SPAST: variants seen among roughly 807,000 people sequenced by gnomAD.
SPAST encodes spastin.
A neutral mutation model predicts 76.6 loss-of-function variants in SPAST; 30 were observed. That is an observed-to-expected ratio of 0.39 (90% confidence interval 0.29 to 0.53). The LOEUF (loss-of-function observed/expected upper bound fraction) is 0.53. SPAST is among the 20% of genes least tolerant of loss of function. SPAST has a pLI of 0.68. For missense variants in SPAST, 717 were observed against 770.5 expected (o/e 0.93, Z 0.82); for synonymous variants, 305 against 281.0 (o/e 1.09, Z -0.86).
At chr2:32,141,757 G>A in intron 12 of SPAST, 147 bp from the exon 13 acceptor site, 4 of 650,610 alleles carry the variant, frequency 6.1e-6, no homozygotes, top group Non-Finnish European at 8.0e-6. Flanking sequence ...AGTTTTAAAA[G>A]AGTAACAAAA....
rs1227553598 is a variant in SPAST at position 32,110,668 on chromosome 2, GTATA to G, written c.683-3965_683-3962del. ...TAGTATATATAGTATAGTATATATA[GTATA>G]TATAGTGTATATATACTGTATATAT... On this transcript the variant is annotated intron_variant, in intron 4 of 16. Coordinates refer to ENST00000315285, the MANE Select transcript of SPAST (RefSeq NM_014946.4). 5.2e-5 allele frequency among the ~76,000 whole-genome samples: 7 copies of G among 133,894 alleles called. 1 individual carries two copies. The South Asian group carries it at 9.1e-4, about 17-fold the overall frequency. The allele number at this position is 133,894 out of a possible 152,430, so 87.8% of individuals were successfully genotyped here. A position where few individuals can be genotyped will look rare whatever the true frequency, so the allele number is the denominator to read the frequency against.
At chr2:32,081,293 A>G (rs1677212430) in intron 1 of SPAST, among the ~76,000 whole-genome samples, 1 of 151,504 alleles carries the variant, frequency 6.6e-6, no homozygotes, top group South Asian at 2.1e-4. Context: ...ATGGGGCTTC[A>G]CTGTATTAGC....
chr2:32,064,149 G>C lies in SPAST; in HGVS notation c.318G>C (p.Ala106=), dbSNP rs1009249930. 4.5e-6 allele frequency: 7 copies of C among 1,559,530 alleles called. No homozygotes were observed. Among genetic ancestry groups the C allele is most frequent in the Non-Finnish European group, 6.1e-6 (7 of 1,152,554 alleles). ...APAPASASAP[A]PVPGGEAERV... Reference sequence around the variant, plus strand: ...CACCTGCCTCGGCCTCGGCCCCGGCGCCGGTGCCGGGCGGCGAGGCCGAGC... The same window carrying C: ...CACCTGCCTCGGCCTCGGCCCCGGCCCCGGTGCCGGGCGGCGAGGCCGAGC... The change falls in exon 1 of 17, where the codon GCG becomes GCC. Residue 106 remains alanine (A), a synonymous_variant. Coordinates refer to ENST00000315285, the MANE Select transcript of SPAST (RefSeq NM_014946.4).
intron 1 of SPAST, among the ~76,000 whole-genome samples, chr2:32,087,220 A>G (rs544056467): frequency 1.5e-4 from 23 of 152,172 alleles, no homozygotes; most frequent in African/African-American, 4.8e-4. Context: ...TCTTTCTGTA[A>G]TACAGCATTT....
At chr2:32,114,237 T>C (rs550735668) in intron 4 of SPAST, among the ~76,000 whole-genome samples, 2 of 152,206 alleles carry the variant, frequency 1.3e-5, no homozygotes, top group East Asian at 3.9e-4. Context: ...AGTGAGACCC[T>C]GTTTCTATAA....
At chr2:32,121,535 C>CTTTTT (rs34519148) in intron 7 of SPAST, among the ~76,000 whole-genome samples, 5 of 102,732 alleles carry the variant, frequency 4.9e-5, no homozygotes, top group East Asian at 2.9e-4. Flanking sequence ...ATCTTTCTCA[C>CTTTTT]TTTTTTTTTT....
At chr2:32,117,960 A>G (rs536063103) in intron 7 of SPAST, among the ~76,000 whole-genome samples, 14 of 152,286 alleles carry the variant, frequency 9.2e-5, no homozygotes, top group South Asian at 2.1e-4. Flanking sequence ...AAGATAGGCA[A>G]TCTTGCAGTT....
chr2:32,100,337 T>A (rs1211126249), intron 4 of SPAST, among the ~76,000 whole-genome samples: 10 of 148,980 alleles, frequency 6.7e-5, no homozygotes, highest in South Asian at 4.2e-4. Context: ...TTTTTTTTTT[T>A]AGCAATAGTT....
intron 12 of SPAST, among the ~76,000 whole-genome samples, chr2:32,138,553 G>A (rs922578440): frequency 3.9e-5 from 6 of 152,082 alleles, no homozygotes; most frequent in Admixed American, 6.6e-5. Context: ...TTGTTCAATT[G>A]TTTGAATTCC....
At chr2:32,149,154 A>G (rs1050850512) in intron 16 of SPAST, among the ~76,000 whole-genome samples, 2 of 151,586 alleles carry the variant, frequency 1.3e-5, no homozygotes, top group Non-Finnish European at 2.9e-5. Flanking sequence ...CAGTGGCACC[A>G]TCTTGGCTCA....
At chr2:32,153,610 T>C (rs901440531) in intron 16 of SPAST, among the ~76,000 whole-genome samples, 2 of 151,970 alleles carry the variant, frequency 1.3e-5, no homozygotes, top group African/African-American at 4.8e-5. Context: ...GCCACCGTGC[T>C]TGGCCAAAAT....
At position 32,085,764 on chromosome 2, in the gene SPAST, C is replaced by T. The variant is rs536106687; in HGVS notation, c.416-1728C>T. Among the ~76,000 whole-genome samples the T allele has an allele frequency of 6.0e-5, 9 of 150,584 alleles. No homozygotes were observed. The East Asian group carries it at 1.0e-3, about 17-fold the overall frequency. ...TAATAAGACTTCATGTGGCCAGGTGCGGTGGCTCGTGAGCGCCTGTAATCC... is the reference window on the plus strand; with the variant it reads ...TAATAAGACTTCATGTGGCCAGGTGTGGTGGCTCGTGAGCGCCTGTAATCC... On this transcript the variant is annotated intron_variant, in intron 1 of 16. Coordinates refer to ENST00000315285, the MANE Select transcript of SPAST (RefSeq NM_014946.4).
rs200100166 is a variant in SPAST at position 32,137,196 on chromosome 2, G to A, written c.1493+8G>A. On this transcript the variant is annotated splice_region_variant and intron_variant, in intron 12 of 16. Coordinates refer to ENST00000315285, the MANE Select transcript of SPAST (RefSeq NM_014946.4). ...TGATGAGGCTGTTCTCAGGTAGGGA[G>A]ATTTATATGGAAATACATGCATTTA... 1 of 1,587,966 alleles carries A rather than the reference G, an allele frequency of 6.3e-7. No individual in the cohort carries two copies. The highest frequency in any genetic ancestry group is 1.3e-5 in the African/African-American group (1 of 74,504).
At chr2:32,135,886 T>A (rs1173096508) in intron 9 of SPAST, among the ~76,000 whole-genome samples, 1 of 152,062 alleles carries the variant, frequency 6.6e-6, no homozygotes, top group African/African-American at 2.4e-5. Flanking sequence ...TCTAATGAAT[T>A]TACCAATATG....
intron 1 of SPAST, among the ~76,000 whole-genome samples, chr2:32,070,538 A>G (rs990948867): frequency 6.6e-6 from 1 of 152,222 alleles, no homozygotes; most frequent in African/African-American, 2.4e-5. Context: ...ACAGCTCTGC[A>G]TTTTAGATAT....
intron 6 of SPAST, 34 bp downstream of exon 6, chr2:32,115,869 G>C (rs1678814167): frequency 3.3e-6 from 5 of 1,517,588 alleles, no homozygotes; most frequent in Non-Finnish European, 4.5e-6. Flanking sequence ...TTATTTTATA[G>C]TTTTTATATT....
At chr2:32,113,794 T>C (rs989715156) in intron 4 of SPAST, among the ~76,000 whole-genome samples, 7 of 151,984 alleles carry the variant, frequency 4.6e-5, no homozygotes, top group Admixed American at 2.0e-4. Flanking sequence ...CTTGAACTAC[T>C]GACATCAGGT....
At chr2:32,105,937 G>A (rs776164179) in intron 4 of SPAST, among the ~76,000 whole-genome samples, 5 of 152,174 alleles carry the variant, frequency 3.3e-5, no homozygotes, top group East Asian at 1.9e-4. Flanking sequence ...CAGTCTGTCC[G>A]TTCGCCGATC....
chr2:32,127,059 A>C (rs1186480664), intron 8 of SPAST, 37 bp downstream of exon 8: 2 of 1,356,836 alleles, frequency 1.5e-6, no homozygotes, highest in African/African-American at 1.4e-5. Context: ...TTCTGTTGAG[A>C]TATTTGGGAT....
Sources: allele counts gnomAD v4.1 joint callset (sites outside exome capture counted in the v4.1 genomes callset), GRCh38; gene constraint gnomAD v4.1.1; transcripts MANE v1.5; gene names NCBI Gene and HGNC (gene_info 2026-07-23, HGNC 2026-07-21).